Variants in TRPM3 observed in about 807,000 individuals in gnomAD.
TRPM3 encodes transient receptor potential cation channel subfamily M member 3.
A neutral mutation model predicts 181.2 loss-of-function variants in TRPM3; 77 were observed. That is an observed-to-expected ratio of 0.42 (90% CI 0.35 to 0.51). The LOEUF (loss-of-function observed/expected upper bound fraction) is 0.51, where lower values mean the gene tolerates loss of function less well. Among genes scored for constraint, TRPM3 ranks in the 20% least tolerant of loss-of-function variants. The pLI is 0.01. For synonymous variants in TRPM3, 745 were observed against 796.4 expected (o/e 0.94, Z 1.09); for missense variants, 1,759 against 2,196.7 (o/e 0.80, Z 3.98).
intron 1 of TRPM3, among the ~76,000 whole-genome samples, chr9:70,893,677 T>C (rs1205140090): frequency 6.6e-6 from 1 of 152,168 alleles, no homozygotes; most frequent in Non-Finnish European, 1.5e-5. Flanking sequence ...GGAACCACAT[T>C]ACTGTGGAAG....
intron 1 of TRPM3, among the ~76,000 whole-genome samples, chr9:71,086,464 CTTAGAT>C (rs371423012): frequency 3.0e-4 from 46 of 151,982 alleles, no homozygotes; most frequent in African/African-American, 1.1e-3. Context: ...AAATTCATTG[CTTAGAT>C]TTAGATGCCC....
intron 1 of TRPM3, among the ~76,000 whole-genome samples, chr9:71,397,100 G>A (rs1320017666): frequency 6.6e-6 from 1 of 151,864 alleles, no homozygotes; most frequent in East Asian, 1.9e-4. Context: ...AATGTAGTAC[G>A]ATAAGATATT....
At chr9:70,824,898 C>G (rs1342968590) in intron 6 of TRPM3, 1 of 152,222 alleles carries the variant, frequency 6.6e-6, no homozygotes, top group Non-Finnish European at 1.5e-5. Context: ...CAGTGCTGTT[C>G]TAGAGGCCTT....
At chr9:71,290,134 A>G (rs1210804523) in intron 1 of TRPM3, among the ~76,000 whole-genome samples, 1 of 152,038 alleles carries the variant, frequency 6.6e-6, no homozygotes, top group African/African-American at 2.4e-5. Flanking sequence ...TGAAAGATAT[A>G]TCTATTCAAA....
At chr9:70,664,423 A>G (rs1482041270) in intron 9 of TRPM3, among the ~76,000 whole-genome samples, 1 of 152,160 alleles carries the variant, frequency 6.6e-6, no homozygotes, top group Admixed American at 6.5e-5. Flanking sequence ...AGTGAGTTTA[A>G]GCTTGTAAAG....
intron 1 of TRPM3, among the ~76,000 whole-genome samples, chr9:71,406,165 G>A (rs2131412330): frequency 6.6e-6 from 1 of 152,194 alleles, no homozygotes; most frequent in East Asian, 1.9e-4. Context: ...AAAGATCCAA[G>A]CCTATCTATT....
At chr9:70,659,755 TC>T (rs1007727418) in intron 9 of TRPM3, among the ~76,000 whole-genome samples, 1 of 152,198 alleles carries the variant, frequency 6.6e-6, no homozygotes, top group African/African-American at 2.4e-5. Context: ...TAATATTTTT[TC>T]CTTTTTTTCC....
At chr9:70,777,427 A>T (rs2081572135) in intron 7 of TRPM3, among the ~76,000 whole-genome samples, 1 of 152,034 alleles carries the variant, frequency 6.6e-6, no homozygotes. Flanking sequence ...TCAATGCTTC[A>T]TTCTTCCCAT....
At chr9:71,351,675 G>A (rs2091632925) in intron 1 of TRPM3, among the ~76,000 whole-genome samples, 1 of 152,070 alleles carries the variant, frequency 6.6e-6, no homozygotes. Context: ...ATATCTGCAG[G>A]AAGCTATGAT....
chr9:71,232,253 C>G (rs1734661332), intron 1 of TRPM3, among the ~76,000 whole-genome samples: 1 of 152,142 alleles, frequency 6.6e-6, no homozygotes, highest in Admixed American at 6.6e-5. Flanking sequence ...TCAAGTTAGT[C>G]TGATCTGTGC....
At chr9:70,793,535 A>G (rs754198756) in intron 6 of TRPM3, 9 of 439,408 alleles carry the variant, frequency 2.0e-5, no homozygotes, top group South Asian at 1.0e-4. Context: ...ATATAAACAT[A>G]CATACATATA....
intron 1 of TRPM3, among the ~76,000 whole-genome samples, chr9:70,971,800 A>G (rs2097250318): frequency 6.6e-6 from 1 of 152,228 alleles, no homozygotes; most frequent in Non-Finnish European, 1.5e-5. Flanking sequence ...ACAAAGACCT[A>G]AAGCAAATAT....
intron 8 of TRPM3, among the ~76,000 whole-genome samples, chr9:70,745,233 G>A (rs746554071): frequency 2.0e-5 from 3 of 152,032 alleles, no homozygotes; most frequent in Admixed American, 6.6e-5. Context: ...TAAGACATAC[G>A]GAGGTTAAAT....
chr9:70,634,222 G>A (rs1357600343), intron 12 of TRPM3, among the ~76,000 whole-genome samples: 1 of 152,084 alleles, frequency 6.6e-6, no homozygotes, highest in South Asian at 2.1e-4. Flanking sequence ...TGATTCTCCT[G>A]CCTCAGCCTC....
At chr9:70,992,198 A>T (rs1320320241) in intron 1 of TRPM3, among the ~76,000 whole-genome samples, 3 of 152,236 alleles carry the variant, frequency 2.0e-5, no homozygotes, top group East Asian at 3.8e-4. Context: ...CCTTTTGTGC[A>T]TATGGGCTTG....
chr9:70,912,476 A>T (rs1307546199), intron 1 of TRPM3, among the ~76,000 whole-genome samples: 2 of 152,236 alleles, frequency 1.3e-5, no homozygotes, highest in African/African-American at 4.8e-5. Context: ...AAGTGAGGTA[A>T]GCATAACCAG....
chr9:71,443,529 T>C (rs566325768), intron 1 of TRPM3, among the ~76,000 whole-genome samples: 47 of 152,270 alleles, frequency 3.1e-4, no homozygotes, highest in African/African-American at 1.1e-3. Context: ...AAGTGGGCAG[T>C]GGCAGGGATA....
At chr9:71,443,200 T>G (rs11788943) in intron 1 of TRPM3, among the ~76,000 whole-genome samples, 5,136 of 152,226 alleles carry the variant, frequency 0.034, 148 homozygotes, top group Non-Finnish European at 0.052. Flanking sequence ...TATCGGAATT[T>G]TATGATTTGG....
Position 70,820,648 on chromosome 9 carries a change from C to T in TRPM3, c.973+7199G>A, listed in dbSNP as rs995661629. Among the ~76,000 whole-genome samples the T allele has an allele frequency of 4.6e-5, 7 of 152,256 alleles. 1 individual carries two copies. In the South Asian group the frequency reaches 8.3e-4, roughly 18 times the overall value. On this transcript the variant is annotated intron_variant, in intron 6 of 25. Transcript: ENST00000677713. Reference sequence around the variant, plus strand: ...GTAGACATGGCACATGGCACTGAACCGCCAAGAAGGCAGGAAAGGAATCAA... The same window carrying T: ...GTAGACATGGCACATGGCACTGAACTGCCAAGAAGGCAGGAAAGGAATCAA...
Sources: gnomAD v4.1 joint callset for allele counts (sites outside exome capture counted in the v4.1 genomes callset) on GRCh38, gnomAD v4.1.1 for gene constraint, MANE v1.5 for transcripts, NCBI Gene and HGNC (gene_info 2026-07-23, HGNC 2026-07-21) for gene names.